TMEM232: variants seen among roughly 807,000 people sequenced by gnomAD.
The protein encoded by TMEM232 is transmembrane protein 232.
TMEM232 carries 80 observed loss-of-function variants against 78.8 expected under a neutral mutation model. The ratio of observed to expected loss-of-function variants is 1.01; its 90% CI spans 0.85 to 1.22. The LOEUF (loss-of-function observed/expected upper bound fraction) is 1.22, where lower values mean the gene tolerates loss of function less well. TMEM232 is among the 50% of genes most tolerant of loss of function. The pLI, the probability that TMEM232 is intolerant of heterozygous loss-of-function variation, is 0.00. For missense variants in TMEM232, 881 were observed against 742.2 expected, an observed-to-expected ratio of 1.19 and a Z score of -2.17; for synonymous variants, 297 against 254.3, an observed-to-expected ratio of 1.17 and a Z score of -1.60.
At chr5:110,429,604 T>C (rs1757606555) in intron 12 of TMEM232, among the ~76,000 whole-genome samples, 1 of 151,692 alleles carries the variant, frequency 6.6e-6, no homozygotes, top group Non-Finnish European at 1.5e-5. Flanking sequence ...TAAAATATTG[T>C]TTTTATCTCA....
At chr5:110,426,471 C>G (rs1268633063) in intron 12 of TMEM232, among the ~76,000 whole-genome samples, 1 of 151,996 alleles carries the variant, frequency 6.6e-6, no homozygotes, top group Non-Finnish European at 1.5e-5. Context: ...ATTTTCCAAG[C>G]CATCAGTAAG....
chr5:110,421,471 T>G (rs965207036), intron 13 of TMEM232, among the ~76,000 whole-genome samples: 1 of 151,820 alleles, frequency 6.6e-6, no homozygotes, highest in African/African-American at 2.4e-5. Context: ...ATACATTTGA[T>G]GAAGGAAATG....
chr5:110,398,858 CA>C (rs1755488223), intron 2 of TMEM232, among the ~76,000 whole-genome samples: 1 of 151,802 alleles, frequency 6.6e-6, no homozygotes, highest in African/African-American at 2.4e-5. Flanking sequence ...CTTTGTTAAA[CA>C]AAAACAAATA....
chr5:110,668,894 A>T (rs552448292), intron 1 of TMEM232, among the ~76,000 whole-genome samples: 25 of 152,302 alleles, frequency 1.6e-4, no homozygotes, highest in Admixed American at 7.2e-4. Flanking sequence ...TACATAACGA[A>T]ATGAAGGCAG....
At chr5:110,644,238 T>A (rs1181788435) in intron 2 of TMEM232, among the ~76,000 whole-genome samples, 1 of 151,914 alleles carries the variant, frequency 6.6e-6, no homozygotes, top group Non-Finnish European at 1.5e-5. Context: ...TCAATAGTCA[T>A]CTGGGATAAC....
chr5:110,394,303 A>G (rs1160002105), intron 3 of TMEM232, among the ~76,000 whole-genome samples: 1 of 152,200 alleles, frequency 6.6e-6, no homozygotes, highest in Non-Finnish European at 1.5e-5. Flanking sequence ...TTATGTCTAC[A>G]TGGTACTCCA....
chr5:110,738,313 A>C (rs940497392), upstream of TMEM232: 2 of 1,195,050 alleles, frequency 1.7e-6, no homozygotes, highest in African/African-American at 1.6e-5. Context: ...TTTGAACGAT[A>C]TAACTGGGAT....
Position 110,648,296 on chromosome 5 carries a change from C to T in TMEM232, c.126-5925G>A, listed in dbSNP as rs569897167. Among the ~76,000 whole-genome samples, 12 of 152,098 alleles carry T rather than the reference C, an allele frequency of 7.9e-5. No homozygotes were observed. The East Asian group carries it at 2.3e-3, about 29-fold the overall frequency. On this transcript the variant is annotated intron_variant, in intron 2 of 13. Coordinates refer to ENST00000455884, the MANE Select transcript of TMEM232 (RefSeq NM_001039763.4). Reference sequence around the variant, plus strand: ...GAGTAATAGAAATTCTCACAAACTGCGTGTGGTTGTGTAAATTGGTAAAAC... The same window carrying T: ...GAGTAATAGAAATTCTCACAAACTGTGTGTGGTTGTGTAAATTGGTAAAAC...
intron 11 of TMEM232, among the ~76,000 whole-genome samples, chr5:110,532,297 G>A (rs1374693706): frequency 1.7e-4 from 25 of 151,474 alleles, no homozygotes; most frequent in Admixed American, 1.3e-3. Flanking sequence ...AGATCTTCTC[G>A]GCTTAGCGGC....
intron 12 of TMEM232, among the ~76,000 whole-genome samples, chr5:110,435,843 T>C (rs1758373091): frequency 6.6e-6 from 1 of 152,036 alleles, no homozygotes; most frequent in South Asian, 2.1e-4. Context: ...TGATATTTTC[T>C]TTATCCACTC....
intron 1 of TMEM232, among the ~76,000 whole-genome samples, chr5:110,706,327 G>A (rs1795927014): frequency 6.6e-6 from 1 of 152,096 alleles, no homozygotes; most frequent in African/African-American, 2.4e-5. Context: ...CTATCAAAAT[G>A]TATGTTCTTT....
At chr5:110,663,518 A>G (rs938620198) in intron 2 of TMEM232, among the ~76,000 whole-genome samples, 46 of 152,022 alleles carry the variant, frequency 3.0e-4, no homozygotes, top group Admixed American at 1.3e-4. Context: ...AATAAATCTA[A>G]GACAATACCC....
At chr5:110,452,133 A>G (rs1326469011) in intron 12 of TMEM232, among the ~76,000 whole-genome samples, 1 of 152,156 alleles carries the variant, frequency 6.6e-6, no homozygotes, top group South Asian at 2.1e-4. Flanking sequence ...ACTGTAGTAG[A>G]GTAACAATTG....
At chr5:110,566,999 G>A (rs1273120645) in intron 11 of TMEM232, among the ~76,000 whole-genome samples, 1 of 151,888 alleles carries the variant, frequency 6.6e-6, no homozygotes, top group Admixed American at 6.6e-5. Context: ...CATGGCAGCA[G>A]GCAAGAGAGC....
intron 1 of TMEM232, among the ~76,000 whole-genome samples, chr5:110,715,677 C>A (rs1580772081): frequency 6.6e-6 from 1 of 152,126 alleles, no homozygotes; most frequent in Non-Finnish European, 1.5e-5. Context: ...TCCTTCCTCT[C>A]AGCCAGGGCA....
intron 12 of TMEM232, among the ~76,000 whole-genome samples, chr5:110,524,415 GAAAAGAAAAGAAAAGA>G (rs1466257619): frequency 0.023 from 1,417 of 62,106 alleles, 18 homozygotes; most frequent in African/African-American, 0.048. Context: ...AAGAAAGAAA[GAAAAGAAAAGAAAAGA>G]AAAGAAAAGA....
At chr5:110,498,495 C>A (rs989634124) in intron 12 of TMEM232, among the ~76,000 whole-genome samples, 2 of 151,978 alleles carry the variant, frequency 1.3e-5, no homozygotes, top group African/African-American at 4.8e-5. Flanking sequence ...TTTGAATTAC[C>A]CTTCCAGAGG....
At chr5:110,674,182 C>A (rs942053949) in intron 1 of TMEM232, among the ~76,000 whole-genome samples, 4 of 152,086 alleles carry the variant, frequency 2.6e-5, no homozygotes, top group Non-Finnish European at 5.9e-5. Flanking sequence ...AAAAATTCAT[C>A]ATTTTATTCT....
chr5:110,481,582 C>T (rs1244832211), intron 12 of TMEM232, among the ~76,000 whole-genome samples: 1 of 152,124 alleles, frequency 6.6e-6, no homozygotes, highest in East Asian at 1.9e-4. Flanking sequence ...AGAGGTAGTG[C>T]CATTAAATGC....
Sources: gnomAD v4.1 joint callset for allele counts (sites outside exome capture counted in the v4.1 genomes callset) on GRCh38, gnomAD v4.1.1 for gene constraint, MANE v1.5 for transcripts, NCBI Gene and HGNC (gene_info 2026-07-23, HGNC 2026-07-21) for gene names.